ABCB7: variants seen among roughly 807,000 people sequenced by gnomAD.
ABCB7 encodes ATP binding cassette subfamily B member 7.
A neutral mutation model predicts 54.4 loss-of-function variants in ABCB7; 7 were observed. That is an observed-to-expected ratio of 0.13 (90% CI 0.07 to 0.24). The LOEUF (loss-of-function observed/expected upper bound fraction) is 0.24. Among genes scored for constraint, ABCB7 ranks in the 10% least tolerant of loss-of-function variants. ABCB7 has a pLI of 1.00. For synonymous variants in ABCB7, 218 were observed against 207.1 expected, an observed-to-expected ratio of 1.05 and a Z score of -0.45; for missense variants, 356 against 570.4, an observed-to-expected ratio of 0.62 and a Z score of 3.83.
intron 3 of ABCB7, among the ~76,000 whole-genome samples, chrX:75,105,429 A>G (rs2081687271): frequency 9.0e-6 from 1 of 111,394 alleles, no homozygotes; most frequent in African/African-American, 3.3e-5. Context: ...ACAAGAAAAT[A>G]AAATATCTAG....
At chrX:75,094,012 T>TTATATA (rs1220365343) in intron 4 of ABCB7, among the ~76,000 whole-genome samples, 5 of 76,339 alleles carry the variant, frequency 6.5e-5, no homozygotes, top group African/African-American at 3.1e-4. Flanking sequence ...GATGTTTCTG[T>TTATATA]TATATACATA....
chrX:75,142,663 GTTCACCTGCA>G (rs2082062359), intron 1 of ABCB7, among the ~76,000 whole-genome samples: 1 of 112,367 alleles, frequency 8.9e-6, no homozygotes, highest in Non-Finnish European at 1.9e-5. Context: ...TCTATAAATT[GTTCACCTGCA>G]AAGTATTTCT....
chrX:75,073,600 C>T (rs2081383119), intron 8 of ABCB7, 89 bp downstream of exon 8: 7 of 711,662 alleles, frequency 9.8e-6, no homozygotes, highest in Non-Finnish European at 1.1e-5. Context: ...TAACCTGAAG[C>T]TCTAATTTAC....
At chrX:75,127,228 C>A (rs957081231) in intron 1 of ABCB7, among the ~76,000 whole-genome samples, 1 of 111,299 alleles carries the variant, frequency 9.0e-6, no homozygotes, top group Admixed American at 9.6e-5. Flanking sequence ...GTTGGCTTCA[C>A]CCCTGGGATG....
chrX:75,053,131 A>C lies in ABCB7; in HGVS notation c.*239T>G. The stretch of plus-strand genomic sequence containing the variant: ...GGTAATGTGGTAATATCAAACAGGT[A>C]GCAAAAAGTATGCATTGAGCACAAC... On this transcript the variant is annotated 3_prime_UTR_variant, in exon 16 of 16. Transcript: ENST00000373394. 2.4e-6 allele frequency: 1 copy of C among 418,227 alleles called. No homozygotes were observed. Among genetic ancestry groups the C allele is most frequent in the South Asian group, 3.7e-5 (1 of 26,762 alleles). The allele number at this position is 418,227 out of a possible 1,213,427, so 34.5% of individuals were successfully genotyped here.
intron 12 of ABCB7, among the ~76,000 whole-genome samples, chrX:75,068,324 T>C (rs2081338056): frequency 8.9e-6 from 1 of 111,920 alleles, no homozygotes; most frequent in Non-Finnish European, 1.9e-5. Context: ...CTGCAACTAA[T>C]TCCCAGGTCT....
At chrX:75,122,861 G>GGGGTGTGTGTGTGTGT (rs1555954494) in intron 1 of ABCB7, among the ~76,000 whole-genome samples, 2 of 93,131 alleles carry the variant, frequency 2.1e-5, no homozygotes, top group African/African-American at 3.9e-5. Context: ...TTAAAATTGG[G>GGGGTGTGTGTGTGTGT]GTGTGTGTGT....
At position 75,114,745 on chromosome X, in the gene ABCB7, C is replaced by A; in HGVS notation, c.246+9G>T. ...CTAGCTATATGTAGACATGTTTGCT[C>A]AATCTTACCTTTGCAGCATCTAAGA... On this transcript the variant is annotated intron_variant, in intron 2 of 15. Coordinates refer to ENST00000373394, the MANE Select transcript of ABCB7 (RefSeq NM_001271696.3). 1 of 1,194,333 alleles carries A rather than the reference C, an allele frequency of 8.4e-7. No homozygotes were observed. Among genetic ancestry groups the A allele is most frequent in the South Asian group, 1.8e-5 (1 of 56,458 alleles).
chrX:75,156,153 C>A lies in ABCB7; in HGVS notation c.120G>T (p.Gln40His), dbSNP rs1303259803. The part of the protein sequence containing the change: ...PLVSVSGSGP[Q>H]WRPHQLGALG... ...AGGCGCCGAGTTGATGTGGCCTCCA[C>A]TGCGGACCTGAGCCGCTAACAGAGA... Residue 40 changes from glutamine (Q) to histidine (H), a missense_variant, in exon 1 of 16, where the codon CAG becomes CAT. Physicochemically the swap from Gln to His is conservative, Grantham distance 24. Coordinates refer to ENST00000373394, the MANE Select transcript of ABCB7 (RefSeq NM_001271696.3). 8.3e-7 allele frequency: 1 copy of A among 1,208,774 alleles called. No individual in the cohort carries two copies. Among genetic ancestry groups the A allele is most frequent in the East Asian group, 3.0e-5 (1 of 33,735 alleles).
Position 75,136,321 on chromosome X carries a change from A to C in ABCB7, c.168+19784T>G, listed in dbSNP as rs187052845. 2.1e-4 allele frequency among the ~76,000 whole-genome samples: 23 copies of C among 111,558 alleles called. No homozygotes were observed. In the East Asian group the frequency reaches 5.4e-3, roughly 26 times the overall value. ...GAAAGGTCTCTACAATGAGGATTTC[A>C]ACACTGCTAAAAGAAATCAGAGATG... On this transcript the variant is annotated intron_variant, in intron 1 of 15. Coordinates refer to ENST00000373394, the MANE Select transcript of ABCB7 (RefSeq NM_001271696.3).
intron 1 of ABCB7, among the ~76,000 whole-genome samples, chrX:75,146,354 A>C (rs961137976): frequency 1.8e-5 from 2 of 112,259 alleles, no homozygotes; most frequent in Non-Finnish European, 3.8e-5. Context: ...AAGAATCCAA[A>C]TAGCCAAGGC....
intron 1 of ABCB7, among the ~76,000 whole-genome samples, chrX:75,115,045 G>A (rs374575075): frequency 7.3e-5 from 8 of 109,940 alleles, no homozygotes; most frequent in Non-Finnish European, 1.3e-4. Flanking sequence ...TAAGGCGGGC[G>A]GATCACGAGG....
intron 3 of ABCB7, among the ~76,000 whole-genome samples, chrX:75,100,134 AAATCTCTTG>A (rs2081627954): frequency 9.0e-6 from 1 of 110,951 alleles, no homozygotes; most frequent in Non-Finnish European, 1.9e-5. Flanking sequence ...TATCTCCTAA[AAATCTCTTG>A]AATCTATTTC....
At chrX:75,100,091 C>A (rs1030093859) in intron 3 of ABCB7, among the ~76,000 whole-genome samples, 1 of 110,384 alleles carries the variant, frequency 9.1e-6, no homozygotes, top group East Asian at 2.9e-4. Context: ...TAAAAAAAAA[C>A]CCTTATAAAT....
chrX:75,151,550 A>C (rs1221480844), intron 1 of ABCB7, among the ~76,000 whole-genome samples: 2 of 111,984 alleles, frequency 1.8e-5, no homozygotes, highest in Non-Finnish European at 3.8e-5. Flanking sequence ...GTCCCATTAA[A>C]AATTCATGTG....
intron 1 of ABCB7, among the ~76,000 whole-genome samples, chrX:75,131,410 C>A (rs1174720797): frequency 9.0e-6 from 1 of 111,071 alleles, no homozygotes; most frequent in Non-Finnish European, 1.9e-5. Flanking sequence ...TGCATATATA[C>A]TTTAATAAAT....
chrX:75,123,940 G>A (rs191148245), intron 1 of ABCB7, among the ~76,000 whole-genome samples: 216 of 112,122 alleles, frequency 1.9e-3, no homozygotes, highest in African/African-American at 6.3e-3. Flanking sequence ...AAAACTTTAT[G>A]TATGAACAAT....
chrX:75,129,868 T>G (rs1401753953), intron 1 of ABCB7, among the ~76,000 whole-genome samples: 1 of 111,426 alleles, frequency 9.0e-6, no homozygotes, highest in African/African-American at 3.3e-5. Context: ...TGGCTACCAC[T>G]CACTGAGCAC....
intron 1 of ABCB7, among the ~76,000 whole-genome samples, chrX:75,115,961 G>T (rs2081814468): frequency 9.0e-6 from 1 of 111,471 alleles, no homozygotes; most frequent in Non-Finnish European, 1.9e-5. Flanking sequence ...TCATATGACA[G>T]ATTAACAGGC....
Sources: gnomAD v4.1 joint callset for allele counts (sites outside exome capture counted in the v4.1 genomes callset) on GRCh38, gnomAD v4.1.1 for gene constraint, MANE v1.5 for transcripts, NCBI Gene and HGNC (gene_info 2026-07-23, HGNC 2026-07-21) for gene names.